The following HECW2 variants were observed in gnomAD, a reference collection of about 807,000 sequenced individuals.
The protein encoded by HECW2 is E3 ubiquitin-protein ligase HECW2.
HECW2 carries 61 observed loss-of-function variants against 175.2 expected under a neutral mutation model. That is an observed-to-expected ratio of 0.35 (90% confidence interval 0.28 to 0.43). The LOEUF (loss-of-function observed/expected upper bound fraction) is 0.43, where lower values mean the gene tolerates loss of function less well. HECW2 is among the 20% of genes least tolerant of loss of function. HECW2 has a pLI of 1.00. For synonymous variants in HECW2, 671 were observed against 731.0 expected, an observed-to-expected ratio of 0.92 and a Z score of 1.32; for missense variants, 1,524 against 2,000.5, an observed-to-expected ratio of 0.76 and a Z score of 4.54.
intron 14 of HECW2, among the ~76,000 whole-genome samples, chr2:196,284,507 G>C (rs916020236): frequency 6.6e-6 from 1 of 152,200 alleles, no homozygotes; most frequent in Non-Finnish European, 1.5e-5. Context: ...TGGGCCCACT[G>C]TGTGACCTTG....
At chr2:196,216,100 C>T in intron 27 of HECW2, 123 bp from the exon 28 acceptor site, 1 of 645,872 alleles carries the variant, frequency 1.5e-6, no homozygotes, top group Non-Finnish European at 2.8e-6. Context: ...GAAGACAAAA[C>T]TTCACAGGTG....
intron 5 of HECW2, among the ~76,000 whole-genome samples, chr2:196,328,788 T>C (rs1313544480): frequency 1.3e-5 from 2 of 152,234 alleles, no homozygotes; most frequent in Non-Finnish European, 2.9e-5. Flanking sequence ...ATATGGATTT[T>C]CTTATTCTTG....
chr2:196,301,619 T>C (rs1691056277), intron 13 of HECW2, among the ~76,000 whole-genome samples: 1 of 152,222 alleles, frequency 6.6e-6, no homozygotes, highest in South Asian at 2.1e-4. Flanking sequence ...TGCATTTCTA[T>C]AATGACCAGT....
chr2:196,441,095 TG>T (rs1696027114), intron 1 of HECW2, among the ~76,000 whole-genome samples: 1 of 152,190 alleles, frequency 6.6e-6, no homozygotes, highest in African/African-American at 2.4e-5. Context: ...CAGCAGATTT[TG>T]TTCAGAAGAT....
Position 196,357,692 on chromosome 2 carries a change from T to C in HECW2, c.293-13928A>G, listed in dbSNP as rs574766684. ...CCCACATGTCGAGGGAGGGAGGTCA[T>C]TGGATCATGGGGGTGGTTCTCTCCA... On this transcript the variant is annotated intron_variant, in intron 2 of 28. Coordinates refer to ENST00000644978, the MANE Select transcript of HECW2 (RefSeq NM_001348768.2). Among the ~76,000 whole-genome samples the C allele has an allele frequency of 9.2e-5, 14 of 152,296 alleles. No homozygotes were observed. The South Asian group carries it at 2.3e-3, about 25-fold the overall frequency.
intron 2 of HECW2, among the ~76,000 whole-genome samples, chr2:196,363,095 A>G (rs1693645434): frequency 6.6e-6 from 1 of 152,150 alleles, no homozygotes; most frequent in South Asian, 2.1e-4. Flanking sequence ...GAGTGAACAC[A>G]GCAAGCCAGG....
At chr2:196,280,571 AAAT>A (rs763084052) in intron 14 of HECW2, among the ~76,000 whole-genome samples, 13 of 152,366 alleles carry the variant, frequency 8.5e-5, no homozygotes, top group South Asian at 2.1e-4. Context: ...GGGTACAAAA[AAAT>A]AAAGGTTTTG....
chr2:196,329,753 A>G (rs1692288965), intron 4 of HECW2, 103 bp from the exon 5 acceptor site: 4 of 895,178 alleles, frequency 4.5e-6, no homozygotes, highest in South Asian at 4.2e-5. Context: ...TTTTGCATCA[A>G]ACGGGTATTG....
chr2:196,407,718 A>C lies in HECW2; in HGVS notation c.292+25414T>G, dbSNP rs559877638. On this transcript the variant is annotated intron_variant, in intron 2 of 28. Transcript: ENST00000644978. Reference sequence around the variant, plus strand: ...CTAAATTAACAAATGAAAACAATGTATTGAACTGTGTGTGTGCTGCACTTA... The same window carrying C: ...CTAAATTAACAAATGAAAACAATGTCTTGAACTGTGTGTGTGCTGCACTTA... Among the ~76,000 whole-genome samples, 120 of 152,334 alleles carry C rather than the reference A, an allele frequency of 7.9e-4. No individual in the cohort carries two copies. In the Middle Eastern group the frequency reaches 0.017, roughly 22 times the overall value.
intron 28 of HECW2, among the ~76,000 whole-genome samples, chr2:196,212,485 T>C (rs141149858): frequency 0.011 from 1,650 of 152,304 alleles, 29 homozygotes; most frequent in African/African-American, 0.038. Context: ...CTAAGGATAA[T>C]GGCCTCCAGC....
chr2:196,426,746 C>A (rs1465247885), intron 2 of HECW2, among the ~76,000 whole-genome samples: 1 of 152,072 alleles, frequency 6.6e-6, no homozygotes, highest in Admixed American at 6.6e-5. Context: ...GAAGTTCCAG[C>A]CTTGACTCTT....
At chr2:196,209,937 G>A (rs1422145684) in intron 28 of HECW2, among the ~76,000 whole-genome samples, 3 of 152,026 alleles carry the variant, frequency 2.0e-5, no homozygotes, top group African/African-American at 7.2e-5. Context: ...CCAACTTTTT[G>A]TATTTTTAGT....
rs960825646 is a variant in HECW2, at chr2:196,314,960, T to C, written c.2434+2314A>G. ...TAGAAAAGGAGGGCAGGGATCCAGC[T>C]GAGGTGAGGACAGACAAGTAGCAAG... is the stretch of plus-strand genomic sequence containing the variant. On this transcript the variant is annotated intron_variant, in intron 10 of 28. Transcript: ENST00000644978. Among the ~76,000 whole-genome samples the C allele has an allele frequency of 4.6e-5, 7 of 152,040 alleles. No homozygotes were observed. The East Asian group carries it at 1.2e-3, about 25-fold the overall frequency.
At chr2:196,367,005 G>A (rs952112213) in intron 2 of HECW2, among the ~76,000 whole-genome samples, 2 of 152,116 alleles carry the variant, frequency 1.3e-5, no homozygotes, top group Non-Finnish European at 2.9e-5. Flanking sequence ...TGTTGTTTCT[G>A]TCTGTAAAAT....
In HECW2 at chr2:196,459,971, C is replaced by A. The variant is rs79314922; in HGVS notation, c.-35-26513G>T. On this transcript the variant is annotated intron_variant, in intron 1 of 28. Transcript: ENST00000644978. ...GACTCCTCCTATTGCTTACAGAACA[C>A]GAATATTCCTCCACCTCCTTCAGTG... 5.4e-3 allele frequency among the ~76,000 whole-genome samples: 828 copies of A among 152,296 alleles called. 6 individuals are homozygous for A. The highest frequency in any genetic ancestry group is 0.01 in the Middle Eastern group (3 of 294).
At chr2:196,329,517 T>TC in intron 5 of HECW2, 58 bp downstream of exon 5, 5 of 1,393,712 alleles carry the variant, frequency 3.6e-6, no homozygotes, top group Non-Finnish European at 5.1e-6. Flanking sequence ...AAGTGACTAT[T>TC]CATACCTTCG....
At chr2:196,388,052 A>G (rs1036913166) in intron 2 of HECW2, among the ~76,000 whole-genome samples, 2 of 152,166 alleles carry the variant, frequency 1.3e-5, no homozygotes, top group Admixed American at 6.6e-5. Context: ...GCACTTTGGG[A>G]GACCAATGTG....
At chr2:196,287,299 C>T (rs1313999706) in intron 14 of HECW2, among the ~76,000 whole-genome samples, 1 of 152,168 alleles carries the variant, frequency 6.6e-6, no homozygotes, top group African/African-American at 2.4e-5. Flanking sequence ...AGGAAAAACA[C>T]AACAAACTAT....
chr2:196,546,820 CAAAAA>C (rs35116760), intron 1 of HECW2, among the ~76,000 whole-genome samples: 1 of 106,434 alleles, frequency 9.4e-6, no homozygotes, highest in African/African-American at 3.5e-5. Flanking sequence ...AGAAGGACAG[CAAAAA>C]AAAAAAAAAA....
Sources: gnomAD v4.1 joint callset for allele counts (sites outside exome capture counted in the v4.1 genomes callset) on GRCh38, gnomAD v4.1.1 for gene constraint, MANE v1.5 for transcripts, NCBI Gene and HGNC (gene_info 2026-07-23, HGNC 2026-07-21) for gene names.